LRP1B: variants seen among roughly 807,000 people sequenced by gnomAD.
The protein encoded by LRP1B is LDL receptor related protein 1B.
LRP1B carries 217 observed loss-of-function variants against 556.6 expected under a neutral mutation model. The observed-to-expected ratio is 0.39, with a 90% confidence interval of 0.35 to 0.44. The LOEUF (loss-of-function observed/expected upper bound fraction) is 0.44. Among genes scored for constraint, LRP1B ranks in the 20% least tolerant of loss-of-function variants. The pLI is 1.00. For missense variants in LRP1B, 5,053 were observed against 5,620.8 expected (o/e 0.90, Z 3.23); for synonymous variants, 2,047 against 1,865.8 (o/e 1.10, Z -2.50).
chr2:140,301,774 G>A (rs2105008626), intron 83 of LRP1B, among the ~76,000 whole-genome samples: 1 of 151,532 alleles, frequency 6.6e-6, no homozygotes, highest in African/African-American at 2.4e-5. Context: ...TATATTTTCT[G>A]TAGTTTATAA....
chr2:141,359,991 AC>A (rs149144097), intron 3 of LRP1B, among the ~76,000 whole-genome samples: 9,312 of 152,176 alleles, frequency 0.061, 408 homozygotes, highest in Admixed American at 0.14. Flanking sequence ...AAGGTTAGAA[AC>A]AGGGAAGATA....
rs540501043 is a variant in LRP1B, at chr2:140,359,726, T to A, written c.11132-780A>T. Among the ~76,000 whole-genome samples the A allele has an allele frequency of 8.6e-5, 13 of 151,788 alleles. No homozygotes were observed. In the South Asian group the frequency reaches 2.5e-3, roughly 29 times the overall value. On this transcript the variant is annotated intron_variant, in intron 72 of 90. Transcript: ENST00000389484. ...TTGATTTACTACATCCTGAAGACTT[T>A]CAATTCTCTATCTAGTTCAAACATC... is the stretch of plus-strand genomic sequence containing the variant.
chr2:140,335,338 T>G (rs1681025738), intron 78 of LRP1B, among the ~76,000 whole-genome samples: 2 of 152,056 alleles, frequency 1.3e-5, no homozygotes, highest in South Asian at 2.1e-4. Context: ...CCAGGCTCAT[T>G]ATTCTGCAAT....
At chr2:140,560,531 A>G (rs1680891918) in intron 43 of LRP1B, among the ~76,000 whole-genome samples, 1 of 152,124 alleles carries the variant, frequency 6.6e-6, no homozygotes, top group South Asian at 2.1e-4. Context: ...AACATAAAAC[A>G]ATTTCATAAC....
At chr2:140,953,552 C>T (rs1439990323) in intron 18 of LRP1B, among the ~76,000 whole-genome samples, 1 of 152,124 alleles carries the variant, frequency 6.6e-6, no homozygotes, top group African/African-American at 2.4e-5. Context: ...AAATTGTATT[C>T]TCTGCATTGT....
At chr2:141,078,753 C>T (rs1699854021) in intron 7 of LRP1B, among the ~76,000 whole-genome samples, 1 of 152,030 alleles carries the variant, frequency 6.6e-6, no homozygotes, top group African/African-American at 2.4e-5. Context: ...AATAGTGGGT[C>T]TACTAACCAG....
chr2:141,608,350 A>T (rs1486383264), intron 2 of LRP1B, among the ~76,000 whole-genome samples: 2 of 152,232 alleles, frequency 1.3e-5, no homozygotes, highest in East Asian at 3.8e-4. Flanking sequence ...TCCAAATAGC[A>T]CAAAAGACAC....
At chr2:141,335,866 A>G (rs539828043) in intron 3 of LRP1B, among the ~76,000 whole-genome samples, 1 of 152,248 alleles carries the variant, frequency 6.6e-6, no homozygotes, top group African/African-American at 2.4e-5. Flanking sequence ...CCATATATAC[A>G]GACCTAAATC....
chr2:140,715,755 G>A (rs967697925), intron 37 of LRP1B, among the ~76,000 whole-genome samples: 1 of 151,976 alleles, frequency 6.6e-6, no homozygotes, highest in African/African-American at 2.4e-5. Flanking sequence ...GCCTTTATTT[G>A]GATTTACACA....
intron 1 of LRP1B, among the ~76,000 whole-genome samples, chr2:141,950,319 G>A (rs1701072288): frequency 6.6e-6 from 1 of 151,952 alleles, no homozygotes; most frequent in Non-Finnish European, 1.5e-5. Context: ...GAAATAATTT[G>A]ATATTAAAGA....
At chr2:141,054,608 A>T (rs560078141) in intron 10 of LRP1B, among the ~76,000 whole-genome samples, 7 of 152,164 alleles carry the variant, frequency 4.6e-5, no homozygotes, top group African/African-American at 1.7e-4. Context: ...AAAATCATTA[A>T]ATGTTTGATC....
chr2:141,633,563 ATAAT>A lies in LRP1B; in HGVS notation c.206-153034_206-153031del, dbSNP rs1362469855. On this transcript the variant is annotated intron_variant, in intron 2 of 90. Transcript: ENST00000389484. ...TGAATCTACCAATACGACTTCAGAA[ATAAT>A]TAATTTAATAGCCTTTCTATGCTTA... Among the ~76,000 whole-genome samples, 3 of 152,072 alleles carry A rather than the reference ATAAT, an allele frequency of 2.0e-5. 1 individual carries two copies. The highest frequency in any genetic ancestry group is 6.3e-3 in the Middle Eastern group (2 of 316).
intron 1 of LRP1B, among the ~76,000 whole-genome samples, chr2:142,013,804 A>C (rs1157252141): frequency 6.6e-6 from 1 of 151,996 alleles, no homozygotes; most frequent in East Asian, 1.9e-4. Context: ...AACCAAAGTA[A>C]CTCCATCTTG....
intron 3 of LRP1B, among the ~76,000 whole-genome samples, chr2:141,267,987 C>T (rs571809600): frequency 2.1e-4 from 32 of 152,232 alleles, no homozygotes; most frequent in African/African-American, 7.5e-4. Context: ...GTGACTAAAT[C>T]TACTTTAAAA....
intron 82 of LRP1B, among the ~76,000 whole-genome samples, chr2:140,316,599 C>T (rs768900108): frequency 3.3e-5 from 5 of 152,026 alleles, no homozygotes; most frequent in African/African-American, 9.7e-5. Flanking sequence ...TAATGAGACC[C>T]GTGTAGGTCC....
chr2:140,408,005 G>A (rs1450836921), intron 66 of LRP1B, among the ~76,000 whole-genome samples: 1 of 151,854 alleles, frequency 6.6e-6, no homozygotes, highest in African/African-American at 2.4e-5. Context: ...GCCATAAAAA[G>A]GAATAAAATA....
intron 2 of LRP1B, among the ~76,000 whole-genome samples, chr2:141,758,149 C>G (rs1000782502): frequency 6.6e-6 from 1 of 152,088 alleles, no homozygotes; most frequent in Non-Finnish European, 1.5e-5. Context: ...ATTCCATACA[C>G]AGAGAGGAGC....
At chr2:140,554,998 A>G (rs1680679197) in intron 43 of LRP1B, among the ~76,000 whole-genome samples, 1 of 151,948 alleles carries the variant, frequency 6.6e-6, no homozygotes, top group Admixed American at 6.6e-5. Context: ...CTGAAGAACT[A>G]TAGACATAAT....
At chr2:141,820,094 C>T (rs989204049) in intron 1 of LRP1B, among the ~76,000 whole-genome samples, 1 of 152,058 alleles carries the variant, frequency 6.6e-6, no homozygotes, top group Non-Finnish European at 1.5e-5. Flanking sequence ...AAGGATTATA[C>T]TATATAAAAT....
Sources: gnomAD v4.1 joint callset for allele counts (sites outside exome capture counted in the v4.1 genomes callset) on GRCh38, gnomAD v4.1.1 for gene constraint, MANE v1.5 for transcripts, NCBI Gene and HGNC (gene_info 2026-07-23, HGNC 2026-07-21) for gene names.